The following GALNT13 variants were observed in gnomAD, a reference collection of about 807,000 sequenced individuals.
The protein encoded by GALNT13 is UDP-GalNAc:polypeptide N-acetylgalactosaminyltransferase 13.
GALNT13 carries 28 observed loss-of-function variants against 64.2 expected under a neutral mutation model. The ratio of observed to expected loss-of-function variants is 0.44; its 90% CI spans 0.32 to 0.60. GALNT13 has a LOEUF of 0.60. Among genes scored for constraint, GALNT13 ranks in the 20% least tolerant of loss-of-function variants. The probability of loss-of-function intolerance (pLI) is 0.05; values close to 1 mark genes in which losing one functional copy is unlikely to be tolerated. For missense variants in GALNT13, 577 were observed against 669.8 expected (o/e 0.86, Z 1.53); for synonymous variants, 214 against 224.6 (o/e 0.95, Z 0.42).
At chr2:153,432,996 G>GCA in the GALNT13 span, among the ~76,000 whole-genome samples, 1 of 151,380 alleles carries the variant, frequency 6.6e-6, no homozygotes, top group African/African-American at 2.4e-5. Flanking sequence ...TCATGCACGT[G>GCA]CACACACACA....
At chr2:154,288,150 A>G (rs192353445) in intron 8 of GALNT13, among the ~76,000 whole-genome samples, 9 of 152,312 alleles carry the variant, frequency 5.9e-5, no homozygotes, top group African/African-American at 1.9e-4. Flanking sequence ...GACATCTTAC[A>G]TGGAGGCAGG....
chr2:154,405,571 A>AC (rs1574246908), intron 10 of GALNT13, among the ~76,000 whole-genome samples: 1 of 139,676 alleles, frequency 7.2e-6, no homozygotes, highest in African/African-American at 2.7e-5. Flanking sequence ...ATATGATGTA[A>AC]CCCCATCTCT....
the GALNT13 span, among the ~76,000 whole-genome samples, chr2:153,812,271 G>GT: frequency 2.0e-5 from 3 of 152,132 alleles, no homozygotes; most frequent in Admixed American, 6.6e-5. Flanking sequence ...GTATTTTGCT[G>GT]TTTTTTACTT....
chr2:153,674,155 C>T, the GALNT13 span, among the ~76,000 whole-genome samples: 1 of 152,168 alleles, frequency 6.6e-6, no homozygotes, highest in South Asian at 2.1e-4. Flanking sequence ...CAATGCTATC[C>T]CCAACAAACT....
the GALNT13 span, among the ~76,000 whole-genome samples, chr2:153,842,952 T>G: frequency 6.6e-6 from 1 of 152,148 alleles, no homozygotes; most frequent in African/African-American, 2.4e-5. Context: ...AGTTTCAGAT[T>G]AAATGAAGAA....
the GALNT13 span, among the ~76,000 whole-genome samples, chr2:153,288,110 G>C: frequency 6.6e-6 from 1 of 152,178 alleles, no homozygotes; most frequent in Admixed American, 6.5e-5. Flanking sequence ...ACGTGTCTGA[G>C]CCCTTCTACT....
At chr2:153,707,016 C>T in the GALNT13 span, among the ~76,000 whole-genome samples, 415 of 152,194 alleles carry the variant, frequency 2.7e-3, 2 homozygotes, top group Non-Finnish European at 4.3e-3. Flanking sequence ...ATAAGACTCA[C>T]GAGATCTGAT....
chr2:153,925,858 CTGT>C (rs1039096701), intron 2 of GALNT13, among the ~76,000 whole-genome samples: 3 of 151,688 alleles, frequency 2.0e-5, no homozygotes, highest in South Asian at 2.1e-4. Flanking sequence ...GGTTGTATGC[CTGT>C]TGTTGGTGTA....
chr2:153,647,680 A>G, the GALNT13 span, among the ~76,000 whole-genome samples: 1 of 152,204 alleles, frequency 6.6e-6, no homozygotes, highest in East Asian at 1.9e-4. Context: ...AGCTTTCTAC[A>G]TATGGCTAGC....
chr2:154,208,727 A>G (rs1462760462), intron 4 of GALNT13, among the ~76,000 whole-genome samples: 1 of 151,172 alleles, frequency 6.6e-6, no homozygotes, highest in African/African-American at 2.4e-5. Flanking sequence ...TAAGGATCAT[A>G]TACTTTTATT....
intron 3 of GALNT13, among the ~76,000 whole-genome samples, chr2:154,003,518 G>A (rs552265389): frequency 6.6e-6 from 1 of 152,236 alleles, no homozygotes; most frequent in East Asian, 1.9e-4. Flanking sequence ...TTGTTGAGGG[G>A]AGTAATGCTG....
chr2:153,877,363 G>C (rs1297728240), intron 1 of GALNT13, among the ~76,000 whole-genome samples: 1 of 152,136 alleles, frequency 6.6e-6, no homozygotes, highest in East Asian at 1.9e-4. Context: ...TTTAGGAAGA[G>C]TGTGATTAAT....
At chr2:153,460,476 C>T in the GALNT13 span, among the ~76,000 whole-genome samples, 1 of 152,052 alleles carries the variant, frequency 6.6e-6, no homozygotes, top group African/African-American at 2.4e-5. Flanking sequence ...TTTGTGATTA[C>T]AGACAATACT....
intron 9 of GALNT13, 75 bp from the exon 10 acceptor site, chr2:154,395,916 G>A (rs945857586): frequency 3.8e-6 from 5 of 1,300,432 alleles, no homozygotes; most frequent in South Asian, 1.9e-5. Flanking sequence ...AAAACTGATA[G>A]CAAAGTAAAT....
the GALNT13 span, among the ~76,000 whole-genome samples, chr2:153,291,051 T>C: frequency 1.3e-5 from 2 of 152,144 alleles, no homozygotes; most frequent in Non-Finnish European, 2.9e-5. Flanking sequence ...AAAAAGAAAA[T>C]TTGTGTTTTC....
At chr2:154,099,828 T>G (rs567437838) in intron 3 of GALNT13, among the ~76,000 whole-genome samples, 43 of 152,186 alleles carry the variant, frequency 2.8e-4, no homozygotes, top group Admixed American at 7.9e-4. Flanking sequence ...TGGTCCCAGC[T>G]GCAAGGGGAG....
the GALNT13 span, among the ~76,000 whole-genome samples, chr2:153,494,411 T>C: frequency 0.35 from 52,808 of 151,858 alleles, 10,759 homozygotes; most frequent in East Asian, 0.66. Context: ...AAAGGATAGA[T>C]ATAAAGGTCA....
intron 10 of GALNT13, among the ~76,000 whole-genome samples, chr2:154,397,107 C>T (rs2105365002): frequency 6.6e-6 from 1 of 152,068 alleles, no homozygotes; most frequent in African/African-American, 2.4e-5. Context: ...GGAATCAAAG[C>T]TACCTTAATA....
At chr2:153,391,989 AATTAC>A in the GALNT13 span, among the ~76,000 whole-genome samples, 61 of 148,890 alleles carry the variant, frequency 4.1e-4, no homozygotes, top group Non-Finnish European at 6.5e-4. Flanking sequence ...CATTAAACAT[AATTAC>A]ATTAAATTCA....
Sources: gnomAD v4.1 joint callset for allele counts (sites outside exome capture counted in the v4.1 genomes callset) on GRCh38, gnomAD v4.1.1 for gene constraint, MANE v1.5 for transcripts, NCBI Gene and HGNC (gene_info 2026-07-23, HGNC 2026-07-21) for gene names.